BRINP3: variants seen among roughly 807,000 people sequenced by gnomAD.
BRINP3 encodes the protein BMP/retinoic acid inducible neural specific 3.
A neutral mutation model predicts 71.0 loss-of-function variants in BRINP3; 19 were observed. That is an observed-to-expected ratio of 0.27 (90% CI 0.19 to 0.39). The LOEUF is 0.39. Ranked by LOEUF, BRINP3 falls within the 10% of genes least tolerant of loss-of-function variation. The pLI, the probability that BRINP3 is intolerant of heterozygous loss-of-function variation, is 1.00. For missense variants in BRINP3, 959 were observed against 940.8 expected, an observed-to-expected ratio of 1.02 and a Z score of -0.25; for synonymous variants, 380 against 337.7, an observed-to-expected ratio of 1.13 and a Z score of -1.37.
intron 6 of BRINP3, among the ~76,000 whole-genome samples, chr1:190,195,188 T>C (rs912716668): frequency 1.3e-5 from 2 of 151,984 alleles, no homozygotes; most frequent in Non-Finnish European, 2.9e-5. Flanking sequence ...TAAGGCTAAA[T>C]TGATGTTGAC....
intron 6 of BRINP3, among the ~76,000 whole-genome samples, chr1:190,166,734 T>C (rs1651575028): frequency 6.6e-6 from 1 of 151,936 alleles, no homozygotes; most frequent in African/African-American, 2.4e-5. Context: ...TATGCATTTC[T>C]TTTTTTTAAG....
At chr1:190,344,090 T>C (rs1667850677) in intron 2 of BRINP3, among the ~76,000 whole-genome samples, 1 of 151,790 alleles carries the variant, frequency 6.6e-6, no homozygotes, top group African/African-American at 2.4e-5. Context: ...CTATGTTTAT[T>C]CACCAAGATA....
chr1:190,325,273 T>G (rs565685147), intron 2 of BRINP3, among the ~76,000 whole-genome samples: 1 of 152,108 alleles, frequency 6.6e-6, no homozygotes, highest in African/African-American at 2.4e-5. Flanking sequence ...AAATAAATAA[T>G]TTGTAGATTC....
chr1:190,408,290 C>T (rs1192746831), intron 2 of BRINP3, among the ~76,000 whole-genome samples: 2 of 151,866 alleles, frequency 1.3e-5, no homozygotes, highest in Admixed American at 6.6e-5. Flanking sequence ...GAGATCCGCC[C>T]ACCTCGGCCT....
chr1:190,133,026 A>C (rs538932759), intron 7 of BRINP3, among the ~76,000 whole-genome samples: 11 of 152,192 alleles, frequency 7.2e-5, no homozygotes, highest in Admixed American at 1.3e-4. Context: ...TGAGGCCTAC[A>C]TATGACTGCA....
At chr1:190,285,733 T>C (rs891848716) in intron 2 of BRINP3, among the ~76,000 whole-genome samples, 1 of 151,966 alleles carries the variant, frequency 6.6e-6, no homozygotes, top group Non-Finnish European at 1.5e-5. Context: ...TGTTTTTTTT[T>C]TCCTTGTTTC....
intron 2 of BRINP3, among the ~76,000 whole-genome samples, chr1:190,283,572 C>G (rs955076551): frequency 6.6e-6 from 1 of 150,666 alleles, no homozygotes; most frequent in African/African-American, 2.4e-5. Context: ...TTATGTTAGT[C>G]ACTTCTACAA....
chr1:190,110,958 G>A (rs1310470836), intron 7 of BRINP3, among the ~76,000 whole-genome samples: 2 of 151,860 alleles, frequency 1.3e-5, no homozygotes, highest in African/African-American at 2.4e-5. Context: ...ATTGGATCAC[G>A]TGGTCAGGAG....
intron 2 of BRINP3, among the ~76,000 whole-genome samples, chr1:190,354,805 C>T (rs1288550723): frequency 6.7e-6 from 1 of 150,184 alleles, no homozygotes; most frequent in African/African-American, 2.4e-5. Flanking sequence ...AACTGTTGCA[C>T]CCTTTCATCC....
chr1:190,152,200 C>A (rs181373142), intron 7 of BRINP3, among the ~76,000 whole-genome samples: 293 of 151,804 alleles, frequency 1.9e-3, no homozygotes, highest in African/African-American at 6.9e-3. Flanking sequence ...AAAATTAATT[C>A]TTTTTAAATT....
At chr1:190,277,087 T>TTATATATATATATATATATA (rs1222129309) in intron 3 of BRINP3, among the ~76,000 whole-genome samples, 1,750 of 35,756 alleles carry the variant, frequency 0.049, 227 homozygotes, top group Non-Finnish European at 0.082. Context: ...AATTTTGGTT[T>TTATATATATATATATATATA]TATATATATA....
intron 2 of BRINP3, among the ~76,000 whole-genome samples, chr1:190,294,970 C>A (rs1003170319): frequency 2.0e-5 from 3 of 151,894 alleles, no homozygotes. Context: ...CACTTTCCCT[C>A]AAGCAGAAGG....
intron 2 of BRINP3, among the ~76,000 whole-genome samples, chr1:190,397,060 T>A (rs187101459): frequency 7.9e-5 from 12 of 152,016 alleles, no homozygotes; most frequent in African/African-American, 2.9e-4. Flanking sequence ...TGTTTGCCAC[T>A]GTGGACTAAG....
intron 2 of BRINP3, among the ~76,000 whole-genome samples, chr1:190,325,662 G>T (rs1666533249): frequency 6.6e-6 from 1 of 152,008 alleles, no homozygotes; most frequent in Non-Finnish European, 1.5e-5. Context: ...AAATATTTAG[G>T]TATGTAACTA....
chr1:190,196,796 A>G (rs78898916), intron 6 of BRINP3, among the ~76,000 whole-genome samples: 2,720 of 152,000 alleles, frequency 0.018, 80 homozygotes, highest in African/African-American at 0.062. Context: ...CTCATTTAAT[A>G]AGGGTCATCT....
chr1:190,124,597 A>T (rs1272483233), intron 7 of BRINP3, among the ~76,000 whole-genome samples: 1 of 152,120 alleles, frequency 6.6e-6, no homozygotes, highest in Middle Eastern at 3.2e-3. Flanking sequence ...ATTTCAGGTT[A>T]AACAGTTTAT....
chr1:190,395,443 T>A (rs981573077), intron 2 of BRINP3, among the ~76,000 whole-genome samples: 1 of 151,772 alleles, frequency 6.6e-6, no homozygotes, highest in Non-Finnish European at 1.5e-5. Flanking sequence ...AATTGTTAAA[T>A]GACTTCTCCA....
At chr1:190,263,752 C>A in intron 4 of BRINP3, among the ~76,000 whole-genome samples, 1 of 151,866 alleles carries the variant, frequency 6.6e-6, no homozygotes, top group Non-Finnish European at 1.5e-5. Context: ...CCACACCCAG[C>A]TAATTTTTTG....
rs1335800819 is a variant in BRINP3 at position 190,281,769 on chromosome 1, T to C, written c.237-19A>G. Reference sequence around the variant, plus strand: ...AAACTCCCTGAAAAGCAAATTTATTTTTATTCATAAATGCATAATCTATCT... The same window carrying C: ...AAACTCCCTGAAAAGCAAATTTATTCTTATTCATAAATGCATAATCTATCT... On this transcript the variant is annotated intron_variant, in intron 2 of 7. Coordinates refer to ENST00000367462, the MANE Select transcript of BRINP3 (RefSeq NM_199051.3). 14 of 1,599,816 alleles carry C rather than the reference T, an allele frequency of 8.8e-6. No homozygotes were observed. The highest frequency in any genetic ancestry group is 1.2e-5 in the Non-Finnish European group (14 of 1,173,950).
Sources: gnomAD v4.1 joint callset for allele counts (sites outside exome capture counted in the v4.1 genomes callset) on GRCh38, gnomAD v4.1.1 for gene constraint, MANE v1.5 for transcripts, NCBI Gene and HGNC (gene_info 2026-07-23, HGNC 2026-07-21) for gene names.